The following PPP2R3A variants were observed in gnomAD, a reference collection of about 807,000 sequenced individuals.
PPP2R3A encodes serine/threonine-protein phosphatase 2A regulatory subunit B'' subunit alpha.
In PPP2R3A, 80 loss-of-function variants were observed where a neutral mutation model predicts 106.9. That is an observed-to-expected ratio of 0.75 (90% CI 0.62 to 0.90). The LOEUF is 0.90. Ranked by LOEUF, PPP2R3A falls within the 40% of genes least tolerant of loss-of-function variation. The pLI, the probability that PPP2R3A is intolerant of heterozygous loss-of-function variation, is 0.00. For synonymous variants in PPP2R3A, 483 were observed against 468.3 expected, an observed-to-expected ratio of 1.03 and a Z score of -0.41; for missense variants, 1,386 against 1,350.4, an observed-to-expected ratio of 1.03 and a Z score of -0.41.
At chr3:136,144,218 C>G (rs75633879) in intron 13 of PPP2R3A, among the ~76,000 whole-genome samples, 1 of 152,146 alleles carries the variant, frequency 6.6e-6, no homozygotes, top group Non-Finnish European at 1.5e-5. Flanking sequence ...GATGAGTATC[C>G]AGGTCCAGGT....
At chr3:136,045,208 G>A (rs1168538924) in intron 4 of PPP2R3A, among the ~76,000 whole-genome samples, 3 of 152,300 alleles carry the variant, frequency 2.0e-5, no homozygotes, top group South Asian at 2.1e-4. Flanking sequence ...ACTCCCCTGC[G>A]AGAGCGCTTT....
intron 2 of PPP2R3A, among the ~76,000 whole-genome samples, chr3:136,017,225 G>A (rs1934308526): frequency 6.6e-6 from 1 of 152,150 alleles, no homozygotes; most frequent in South Asian, 2.1e-4. Flanking sequence ...GTTACCTGAT[G>A]CTTTTACCTC....
At chr3:135,999,469 T>C (rs868641651) in intron 1 of PPP2R3A, among the ~76,000 whole-genome samples, 5 of 152,186 alleles carry the variant, frequency 3.3e-5, no homozygotes, top group African/African-American at 7.2e-5. Context: ...TGGGCATCAA[T>C]TGAATTATGG....
At chr3:136,055,770 T>C in intron 5 of PPP2R3A, 1 of 630,786 alleles carries the variant, frequency 1.6e-6, no homozygotes, top group Non-Finnish European at 2.9e-6. Flanking sequence ...TGAGAATTTT[T>C]TAAAAACAAA....
chr3:135,966,583 A>G (rs1937093516), intron 1 of PPP2R3A, among the ~76,000 whole-genome samples: 1 of 151,954 alleles, frequency 6.6e-6, no homozygotes, highest in Middle Eastern at 3.2e-3. Flanking sequence ...TTGATGTTGC[A>G]TCCGAACTCT....
intron 1 of PPP2R3A, among the ~76,000 whole-genome samples, chr3:135,974,803 T>G (rs1469675439): frequency 2.0e-5 from 3 of 152,232 alleles, no homozygotes; most frequent in Non-Finnish European, 2.9e-5. Context: ...TGAACAGAGT[T>G]CCTCCAGTTG....
chr3:136,120,408 T>C (rs1013337108), intron 13 of PPP2R3A, among the ~76,000 whole-genome samples: 2 of 151,954 alleles, frequency 1.3e-5, no homozygotes, highest in African/African-American at 2.4e-5. Context: ...AACAACATGG[T>C]GAAACCTCAT....
At position 136,082,543 on chromosome 3, in the gene PPP2R3A, C is replaced by T. The variant is rs151001370; in HGVS notation, c.2788+122C>T. 1.8e-5 allele frequency: 20 copies of T among 1,081,172 alleles called. 1 individual carries two copies. The South Asian group carries it at 2.9e-4, about 16-fold the overall frequency. The allele number at this position is 1,081,172 out of a possible 1,614,324, so 67.0% of individuals were successfully genotyped here. On this transcript the variant is annotated intron_variant, in intron 8 of 13. Transcript: ENST00000264977. ...ACCTAATCAAGTCCTCTTTACAGGC[C>T]AATAATTTTTAAGAGGGGATGAGTG...
At chr3:136,129,207 C>G (rs909942961) in intron 13 of PPP2R3A, among the ~76,000 whole-genome samples, 6 of 150,728 alleles carry the variant, frequency 4.0e-5, no homozygotes, top group African/African-American at 1.2e-4. Context: ...AAAAAAAAAC[C>G]TTCAAAAAAT....
intron 10 of PPP2R3A, among the ~76,000 whole-genome samples, chr3:136,093,524 G>A (rs948396769): frequency 1.1e-4 from 17 of 152,192 alleles, no homozygotes; most frequent in African/African-American, 3.9e-4. Context: ...TAAGGAACTT[G>A]TATCTAGAAC....
At chr3:136,012,816 G>A (rs937860120) in intron 2 of PPP2R3A, among the ~76,000 whole-genome samples, 1 of 152,078 alleles carries the variant, frequency 6.6e-6, no homozygotes, top group Non-Finnish European at 1.5e-5. Context: ...TATTTCAATA[G>A]GTTTTGGGGG....
intron 1 of PPP2R3A, among the ~76,000 whole-genome samples, chr3:135,993,477 A>G (rs183656688): frequency 6.6e-6 from 1 of 152,314 alleles, no homozygotes; most frequent in East Asian, 1.9e-4. Flanking sequence ...TTTGGAAAAC[A>G]GTTTTGCAGG....
intron 5 of PPP2R3A, among the ~76,000 whole-genome samples, chr3:136,057,994 A>G (rs1293833285): frequency 6.6e-6 from 1 of 152,190 alleles, no homozygotes; most frequent in Non-Finnish European, 1.5e-5. Context: ...AAATATCTAC[A>G]CTGCCAGGTT....
rs1034203377 is a variant in PPP2R3A, at chr3:136,037,859, C to T, written c.2263-3000C>T. ...GAACTTTGATTACCATATATTGACTCGCCTCCCCCTCTAAAAATAAGTTTC... is the reference window on the plus strand; with the variant it reads ...GAACTTTGATTACCATATATTGACTTGCCTCCCCCTCTAAAAATAAGTTTC... On this transcript the variant is annotated intron_variant, in intron 3 of 13. Transcript: ENST00000264977. Among the ~76,000 whole-genome samples the T allele has an allele frequency of 2.6e-5, 4 of 152,074 alleles. No homozygotes were observed. In the East Asian group the frequency reaches 5.8e-4, roughly 22 times the overall value.
intron 7 of PPP2R3A, among the ~76,000 whole-genome samples, chr3:136,081,942 A>G (rs573574542): frequency 6.6e-6 from 1 of 152,344 alleles, no homozygotes; most frequent in Non-Finnish European, 1.5e-5. Context: ...CCAAATAATT[A>G]AGACTATGAT....
intron 13 of PPP2R3A, among the ~76,000 whole-genome samples, chr3:136,144,033 T>C (rs918785175): frequency 1.3e-5 from 2 of 152,222 alleles, no homozygotes; most frequent in Non-Finnish European, 2.9e-5. Context: ...TATCTACATA[T>C]GAGGCTCAGA....
intron 10 of PPP2R3A, among the ~76,000 whole-genome samples, chr3:136,095,267 C>G (rs1937189954): frequency 6.6e-6 from 1 of 152,176 alleles, no homozygotes; most frequent in Non-Finnish European, 1.5e-5. Flanking sequence ...ACTGGATTCT[C>G]ATAGAATGTT....
chr3:136,085,262 G>A (rs1182187550), intron 8 of PPP2R3A, among the ~76,000 whole-genome samples: 1 of 152,160 alleles, frequency 6.6e-6, no homozygotes, highest in Non-Finnish European at 1.5e-5. Flanking sequence ...AGTCTCATGA[G>A]AGCTCATGGT....
At chr3:136,131,055 C>T (rs905958028) in intron 13 of PPP2R3A, among the ~76,000 whole-genome samples, 5 of 152,132 alleles carry the variant, frequency 3.3e-5, no homozygotes, top group Non-Finnish European at 5.9e-5. Context: ...ACCATAAAAA[C>T]CCTAGAAGAA....
Sources: gnomAD v4.1 joint callset for allele counts (sites outside exome capture counted in the v4.1 genomes callset) on GRCh38, gnomAD v4.1.1 for gene constraint, MANE v1.5 for transcripts, NCBI Gene and HGNC (gene_info 2026-07-23, HGNC 2026-07-21) for gene names.